PARD3: variants seen among roughly 807,000 people sequenced by gnomAD.
The protein encoded by PARD3 is partitioning defective 3 homolog.
Under a neutral mutation model 155.4 loss-of-function variants are expected in PARD3, and 75 were observed. That is an observed-to-expected ratio of 0.48 (90% CI 0.40 to 0.58). The LOEUF (loss-of-function observed/expected upper bound fraction) is 0.58, where lower values mean the gene tolerates loss of function less well. PARD3 is among the 20% of genes least tolerant of loss of function. The pLI is 0.00. For missense variants in PARD3, 1,642 were observed against 1,721.7 expected (o/e 0.95, Z 0.82); for synonymous variants, 576 against 610.5 (o/e 0.94, Z 0.83).
chr10:34,603,307 G>A (rs552482433), intron 2 of PARD3, among the ~76,000 whole-genome samples: 1 of 152,304 alleles, frequency 6.6e-6, no homozygotes, highest in East Asian at 1.9e-4. Flanking sequence ...TGTCCCTTAA[G>A]AGCTCATCTC....
chr10:34,327,093 G>A (rs1267833759), intron 19 of PARD3, among the ~76,000 whole-genome samples: 1 of 152,166 alleles, frequency 6.6e-6, no homozygotes, highest in Non-Finnish European at 1.5e-5. Flanking sequence ...CAATCTTACT[G>A]CATGCATTTT....
chr10:34,199,021 C>T (rs1951085691), intron 22 of PARD3, among the ~76,000 whole-genome samples: 1 of 152,104 alleles, frequency 6.6e-6, no homozygotes, highest in Admixed American at 6.5e-5. Context: ...AAGCATGCAA[C>T]CATGGGCAGA....
chr10:34,368,341 G>T (rs1263685490), intron 12 of PARD3, among the ~76,000 whole-genome samples: 1 of 152,202 alleles, frequency 6.6e-6, no homozygotes, highest in Admixed American at 6.5e-5. Context: ...GTAGAAGTCA[G>T]TAGGATTAGA....
Position 34,734,755 on chromosome 10 carries a change from T to C in PARD3, c.121-38336A>G, listed in dbSNP as rs549080110. Among the ~76,000 whole-genome samples the C allele has an allele frequency of 5.9e-5, 9 of 152,274 alleles. No homozygotes were observed. In the Middle Eastern group the frequency reaches 0.017, roughly 288 times the overall value. On this transcript the variant is annotated intron_variant, in intron 1 of 24. Coordinates refer to ENST00000374788, the MANE Select transcript of PARD3 (RefSeq NM_001184785.2). ...GAATTCAAGATTAGATTCAAAATGC[T>C]TTCTTTCATTAATTTTAAACTATTA...
chr10:34,360,354 A>G (rs1413430702), intron 12 of PARD3, 95 bp from the exon 13 acceptor site: 4 of 814,522 alleles, frequency 4.9e-6, no homozygotes, highest in Non-Finnish European at 7.9e-6. Flanking sequence ...CCTTAATCAT[A>G]AGAGGCAAAA....
chr10:34,354,855 C>T (rs775975518), intron 14 of PARD3, among the ~76,000 whole-genome samples: 7 of 152,266 alleles, frequency 4.6e-5, no homozygotes, highest in Non-Finnish European at 1.0e-4. Context: ...GAAGGGATTT[C>T]AGCAGGGACT....
chr10:34,137,464 C>T (rs1417549536), intron 22 of PARD3, among the ~76,000 whole-genome samples: 1 of 152,196 alleles, frequency 6.6e-6, no homozygotes, highest in African/African-American at 2.4e-5. Context: ...GAGGATCCAG[C>T]TCAGTCATGC....
In PARD3 at chr10:34,608,680, GCC is replaced by G. The variant is rs1407527837; in HGVS notation, c.222+87636_222+87637del. On this transcript the variant is annotated intron_variant, in intron 2 of 24. Transcript: ENST00000374788. ...CTCCCGAGTAGCTGGGATTACAGGT[GCC>G]TGCCACCACGCTCGCCTAATTTTGT... is the stretch of plus-strand genomic sequence containing the variant. Among the ~76,000 whole-genome samples, 46 of 151,906 alleles carry G rather than the reference GCC, an allele frequency of 3.0e-4. 1 individual carries two copies. The East Asian group carries it at 6.2e-3, about 21-fold the overall frequency.
At chr10:34,527,502 G>A (rs999521675) in intron 2 of PARD3, among the ~76,000 whole-genome samples, 1 of 152,138 alleles carries the variant, frequency 6.6e-6, no homozygotes, top group Non-Finnish European at 1.5e-5. Context: ...AGTGGGGAGG[G>A]TAGATAGAGA....
At chr10:34,403,931 G>A (rs1270439523) in intron 5 of PARD3, among the ~76,000 whole-genome samples, 1 of 151,810 alleles carries the variant, frequency 6.6e-6, no homozygotes, top group Non-Finnish European at 1.5e-5. Flanking sequence ...ATAATTTAAG[G>A]ACTACTGAAA....
intron 7 of PARD3, among the ~76,000 whole-genome samples, chr10:34,398,258 G>C (rs2132161534): frequency 6.6e-6 from 1 of 152,142 alleles, no homozygotes; most frequent in Non-Finnish European, 1.5e-5. Flanking sequence ...TAACAAGAAA[G>C]TACTACCATT....
chr10:34,267,911 G>A (rs1564533338), intron 22 of PARD3, among the ~76,000 whole-genome samples: 1 of 152,106 alleles, frequency 6.6e-6, no homozygotes, highest in Non-Finnish European at 1.5e-5. Flanking sequence ...AGGAGATTCT[G>A]ACACACACTA....
intron 1 of PARD3, among the ~76,000 whole-genome samples, chr10:34,753,104 G>A (rs933712551): frequency 3.3e-5 from 5 of 152,218 alleles, no homozygotes; most frequent in Non-Finnish European, 5.9e-5. Flanking sequence ...CAGGGCCTCA[G>A]GATTGGTCTG....
At chr10:34,738,553 A>C (rs1425811138) in intron 1 of PARD3, among the ~76,000 whole-genome samples, 6 of 150,088 alleles carry the variant, frequency 4.0e-5, no homozygotes, top group Admixed American at 4.0e-4. Context: ...ATGGAAGAAA[A>C]GCCAACATAC....
intron 20 of PARD3, among the ~76,000 whole-genome samples, chr10:34,295,029 C>T (rs527309020): frequency 1.3e-5 from 2 of 152,088 alleles, no homozygotes; most frequent in African/African-American, 4.8e-5. Context: ...TAGTGACACC[C>T]CACCTCCACA....
rs572378685 is a variant in PARD3 at position 34,630,534 on chromosome 10, C to T, written c.222+65784G>A. Among the ~76,000 whole-genome samples the T allele has an allele frequency of 1.4e-3, 206 of 150,360 alleles. 1 individual carries two copies. Among genetic ancestry groups the T allele is most frequent in the African/African-American group, 4.6e-3 (189 of 40,902 alleles). On this transcript the variant is annotated intron_variant, in intron 2 of 24. Coordinates refer to ENST00000374788, the MANE Select transcript of PARD3 (RefSeq NM_001184785.2). ...CACAATCTCAGCTCACTGCAACCTC[C>T]GCTTCCTGGGCTCAAGTGATCCTCC...
intron 2 of PARD3, among the ~76,000 whole-genome samples, chr10:34,592,152 AC>A (rs2088761279): frequency 1.3e-5 from 2 of 152,288 alleles, no homozygotes; most frequent in South Asian, 4.1e-4. Flanking sequence ...AGCCTCCACA[AC>A]ATAGGCACAA....
chr10:34,209,049 C>G (rs1951615026), intron 22 of PARD3, among the ~76,000 whole-genome samples: 1 of 152,008 alleles, frequency 6.6e-6, no homozygotes, highest in South Asian at 2.1e-4. Flanking sequence ...ACTAAAATTC[C>G]ACATATAATA....
intron 2 of PARD3, among the ~76,000 whole-genome samples, chr10:34,628,220 C>G (rs1266081458): frequency 2.0e-5 from 3 of 152,178 alleles, no homozygotes; most frequent in Admixed American, 6.5e-5. Flanking sequence ...TTAGTAATAA[C>G]GGGATGGGAT....
Sources: allele counts gnomAD v4.1 joint callset (sites outside exome capture counted in the v4.1 genomes callset), GRCh38; gene constraint gnomAD v4.1.1; transcripts MANE v1.5; gene names NCBI Gene and HGNC (gene_info 2026-07-23, HGNC 2026-07-21).